The following VPS13B variants were observed in gnomAD, a reference collection of about 807,000 sequenced individuals.
VPS13B encodes the protein intermembrane lipid transfer protein VPS13B.
VPS13B carries 285 observed loss-of-function variants against 426.4 expected under a neutral mutation model. That is an observed-to-expected ratio of 0.67 (90% CI 0.61 to 0.74). The LOEUF (loss-of-function observed/expected upper bound fraction) is 0.74. Among genes scored for constraint, VPS13B ranks in the 30% least tolerant of loss-of-function variants. The pLI is 0.00. For missense variants in VPS13B, 4,537 were observed against 4,782.6 expected, an observed-to-expected ratio of 0.95 and a Z score of 1.51; for synonymous variants, 1,676 against 1,676.4, an observed-to-expected ratio of 1.00 and a Z score of 0.01.
chr8:99,172,610 C>A (rs770527358), intron 16 of VPS13B, among the ~76,000 whole-genome samples: 13 of 152,074 alleles, frequency 8.5e-5, no homozygotes, highest in Non-Finnish European at 1.6e-4. Flanking sequence ...TTCTGTTAAT[C>A]AGTTTTGAAG....
chr8:99,270,946 A>C (rs972899121), intron 17 of VPS13B, among the ~76,000 whole-genome samples: 1 of 152,146 alleles, frequency 6.6e-6, no homozygotes, highest in African/African-American at 2.4e-5. Context: ...AAGAAAAATG[A>C]GATCCAGGCT....
At chr8:99,180,605 T>A (rs530865613) in intron 16 of VPS13B, among the ~76,000 whole-genome samples, 3 of 152,294 alleles carry the variant, frequency 2.0e-5, no homozygotes, top group Non-Finnish European at 2.9e-5. Flanking sequence ...GACTTTTGAC[T>A]CCAACCTAAA....
At chr8:99,240,665 G>A (rs1489299902) in intron 17 of VPS13B, among the ~76,000 whole-genome samples, 6 of 152,048 alleles carry the variant, frequency 3.9e-5, no homozygotes, top group Non-Finnish European at 8.8e-5. Flanking sequence ...AAACTAATTT[G>A]TACATAAGCC....
rs1285638746 is a variant in VPS13B, at chr8:99,431,522, T to TA, written c.3083-14dup. The TA allele has an allele frequency of 6.2e-7, 1 of 1,612,706 alleles. No homozygotes were observed. Among genetic ancestry groups the TA allele is most frequent in the Non-Finnish European group, 8.5e-7 (1 of 1,179,558 alleles). ...GTTATGTTTCTATTAAATAATTAGCTATTCTCGTACTCAGAATCCCGCCCA... is the reference window on the plus strand; with the variant it reads ...GTTATGTTTCTATTAAATAATTAGCTAATTCTCGTACTCAGAATCCCGCCCA... On this transcript the variant is annotated splice_polypyrimidine_tract_variant and intron_variant, in intron 21 of 61. Coordinates refer to ENST00000357162, the MANE Select transcript of VPS13B (RefSeq NM_152564.5).
In VPS13B at chr8:99,300,617, C is replaced by A. The variant is rs116219560; in HGVS notation, c.2824+25363C>A. 8.9e-3 allele frequency among the ~76,000 whole-genome samples: 1,358 copies of A among 152,236 alleles called. 17 individuals are homozygous for A. The highest frequency in any genetic ancestry group is 0.068 in the South Asian group (328 of 4,818). ...TGTTTATCCCTTTCAGCCTAGGTATCATTTTTGAAGGAGGTTTTCTGGGAG... is the reference window on the plus strand; with the variant it reads ...TGTTTATCCCTTTCAGCCTAGGTATAATTTTTGAAGGAGGTTTTCTGGGAG... On this transcript the variant is annotated intron_variant, in intron 19 of 61. Coordinates refer to ENST00000357162, the MANE Select transcript of VPS13B (RefSeq NM_152564.5).
At chr8:99,487,366 T>C (rs1057172489) in intron 25 of VPS13B, among the ~76,000 whole-genome samples, 8 of 152,226 alleles carry the variant, frequency 5.3e-5, no homozygotes, top group African/African-American at 1.9e-4. Flanking sequence ...AACTAGTCTT[T>C]TTAATCTCAC....
intron 4 of VPS13B, among the ~76,000 whole-genome samples, chr8:99,102,747 A>T (rs1846825463): frequency 6.6e-6 from 1 of 152,186 alleles, no homozygotes; most frequent in African/African-American, 2.4e-5. Flanking sequence ...GAACTTCTTG[A>T]TAATGACGTT....
Position 99,469,624 on chromosome 8 carries a change from C to T in VPS13B, c.3666+1990C>T, listed in dbSNP as rs192141349. Among the ~76,000 whole-genome samples the T allele has an allele frequency of 1.6e-3, 242 of 152,170 alleles. 1 individual carries two copies. Among genetic ancestry groups the T allele is most frequent in the Non-Finnish European group, 2.1e-3 (141 of 67,990 alleles). ...CTTCTTTGAGATTACTCTTTGAGTG[C>T]TGCTGCTAATGGTTGCTTTAAAGTG... On this transcript the variant is annotated intron_variant, in intron 24 of 61. Coordinates refer to ENST00000357162, the MANE Select transcript of VPS13B (RefSeq NM_152564.5).
At chr8:99,174,604 ATT>A (rs1239906889) in intron 16 of VPS13B, among the ~76,000 whole-genome samples, 1 of 152,006 alleles carries the variant, frequency 6.6e-6, no homozygotes, top group Non-Finnish European at 1.5e-5. Flanking sequence ...TCCTTTGCTC[ATT>A]TTTAATTAGT....
At chr8:99,035,130 A>G (rs1842685759) in intron 2 of VPS13B, among the ~76,000 whole-genome samples, 1 of 149,412 alleles carries the variant, frequency 6.7e-6, no homozygotes, top group Non-Finnish European at 1.5e-5. Flanking sequence ...GGTTTCAGTG[A>G]GCTGATTGTG....
At chr8:99,164,740 C>T (rs577661098) in intron 15 of VPS13B, among the ~76,000 whole-genome samples, 1 of 152,184 alleles carries the variant, frequency 6.6e-6, no homozygotes, top group East Asian at 1.9e-4. Flanking sequence ...CTTTTTAACT[C>T]TCTCTTTAAC....
intron 55 of VPS13B, among the ~76,000 whole-genome samples, chr8:99,851,956 G>A (rs867185244): frequency 1.3e-5 from 2 of 152,088 alleles, no homozygotes; most frequent in Non-Finnish European, 2.9e-5. Flanking sequence ...GTTAGGAGAG[G>A]ATTACAGTTG....
intron 35 of VPS13B, chr8:99,696,813 A>G (rs998737773): frequency 1.4e-5 from 19 of 1,395,076 alleles, no homozygotes; most frequent in African/African-American, 1.3e-4. Context: ...ACCCTGGACA[A>G]CCTGTCACGG....
At chr8:99,156,117 T>C (rs1369199067) in intron 14 of VPS13B, among the ~76,000 whole-genome samples, 1 of 152,218 alleles carries the variant, frequency 6.6e-6, no homozygotes, top group Non-Finnish European at 1.5e-5. Flanking sequence ...GTGAATGTTT[T>C]TGACATTGTG....
At chr8:99,111,395 AT>A in intron 6 of VPS13B, 116 bp downstream of exon 6, 2 of 768,164 alleles carry the variant, frequency 2.6e-6, no homozygotes, top group Non-Finnish European at 3.9e-6. Context: ...TATGTATGCC[AT>A]TTGTTTTTAT....
chr8:99,739,182 T>C (rs571879423), intron 39 of VPS13B, among the ~76,000 whole-genome samples: 5 of 152,334 alleles, frequency 3.3e-5, no homozygotes, highest in African/African-American at 9.6e-5. Context: ...TTACATCCCG[T>C]ACCTGGCTCG....
intron 19 of VPS13B, among the ~76,000 whole-genome samples, chr8:99,277,167 A>G (rs550948116): frequency 3.3e-5 from 5 of 152,198 alleles, no homozygotes; most frequent in Non-Finnish European, 7.4e-5. Context: ...AATCTGCAAC[A>G]TTAGTGTTAT....
chr8:99,357,233 G>T (rs1440633482), intron 19 of VPS13B, among the ~76,000 whole-genome samples: 1 of 152,106 alleles, frequency 6.6e-6, no homozygotes, highest in Non-Finnish European at 1.5e-5. Flanking sequence ...GAAAGATTCA[G>T]TTCATCTCCT....
rs143712369 is a variant in VPS13B, at chr8:99,832,585, C to A, written c.9547C>A (p.Pro3183Thr). Residue 3183 changes from proline to threonine, a missense_variant, in exon 52 of 62, where the codon CCA becomes ACA. Physicochemically the swap from Pro to Thr is conservative, Grantham distance 38 (BLOSUM62 -1). Transcript: ENST00000357162. Reference sequence around the variant, plus strand: ...CTGGAGCCTGCCAGCTATAGTTAGACCAGAGTTTCCCAGACAGAGTGTGGC... The same window carrying A: ...CTGGAGCCTGCCAGCTATAGTTAGAACAGAGTTTCCCAGACAGAGTGTGGC... ...QCWSLPAIVR[P>T]EFPRQSVAVP... 5 of 1,613,802 alleles carry A rather than the reference C, an allele frequency of 3.1e-6. No individual in the cohort carries two copies. The highest frequency in any genetic ancestry group is 4.2e-6 in the Non-Finnish European group (5 of 1,179,984).
Sources: gnomAD v4.1 joint callset for allele counts (sites outside exome capture counted in the v4.1 genomes callset) on GRCh38, gnomAD v4.1.1 for gene constraint, MANE v1.5 for transcripts, NCBI Gene and HGNC (gene_info 2026-07-23, HGNC 2026-07-21) for gene names.